ANPEP: variants seen among roughly 807,000 people sequenced by gnomAD.
ANPEP encodes aminopeptidase N.
A neutral mutation model predicts 114.6 loss-of-function variants in ANPEP; 70 were observed. The observed-to-expected ratio is 0.61, with a 90% CI of 0.50 to 0.75. The LOEUF (loss-of-function observed/expected upper bound fraction) is 0.75. ANPEP is among the 30% of genes least tolerant of loss of function. The pLI is 0.00. For missense variants in ANPEP, 1,184 were observed against 1,259.5 expected, an observed-to-expected ratio of 0.94 and a Z score of 0.91; for synonymous variants, 548 against 522.3, an observed-to-expected ratio of 1.05 and a Z score of -0.67.
intron 20 of ANPEP, 118 bp from the exon 21 acceptor site, chr15:89,785,619 C>T: frequency 1.4e-6 from 2 of 1,416,640 alleles, no homozygotes; most frequent in Non-Finnish European, 9.6e-7. Flanking sequence ...TGGGACCACA[C>T]CCTGTTCCAG....
chr15:89,801,541 G>T lies in ANPEP; in HGVS notation c.1636C>A (p.Gln546Lys). ...ACCGTGATGACCGGGAAGCCCATCT[G>T]CAGGGTCCAGCGGTTCATGATGTCC... ...VRDIMNRWTL[Q>K]MGFPVITVDT... The change falls in exon 11 of 21, where the codon CAG becomes AAG. Residue 546 changes from glutamine to lysine, a missense_variant. Physicochemically the swap from Gln to Lys is moderately conservative, Grantham distance 53. Coordinates refer to ENST00000300060, the MANE Select transcript of ANPEP (RefSeq NM_001150.3). 2 of 1,614,202 alleles carry T rather than the reference G, an allele frequency of 1.2e-6. No homozygotes were observed. Among genetic ancestry groups the T allele is most frequent in the Non-Finnish European group, 1.7e-6 (2 of 1,180,014 alleles).
Position 89,804,252 on chromosome 15 carries a change from C to T in ANPEP, c.1179+1G>A, listed in dbSNP as rs769813601. On this transcript the variant is annotated splice_donor_variant, in intron 6 of 20. Coordinates refer to ENST00000300060, the MANE Select transcript of ANPEP (RefSeq NM_001150.3). LOFTEE classifies it high-confidence loss of function. ...CCGCACTCCCCGAGATGGGGGTCTA[C>T]CTGGTGGGCCAGCTCATGAGCAATC... is the stretch of plus-strand genomic sequence containing the variant. The T allele has an allele frequency of 6.2e-7, 1 of 1,614,060 alleles. No homozygotes were observed. Among genetic ancestry groups the T allele is most frequent in the Non-Finnish European group, 8.5e-7 (1 of 1,180,024 alleles).
intron 4 of ANPEP, 138 bp from the exon 5 acceptor site, chr15:89,804,755 C>T (rs1193241611): frequency 7.8e-7 from 1 of 1,277,592 alleles, no homozygotes; most frequent in African/African-American, 1.5e-5. Flanking sequence ...ACCTAGAGGC[C>T]TGGTCAGCAG....
At chr15:89,811,664 A>G (rs1376850478) in intron 1 of ANPEP, among the ~76,000 whole-genome samples, 2 of 151,654 alleles carry the variant, frequency 1.3e-5, no homozygotes, top group African/African-American at 4.8e-5. Context: ...AAAAAAAAAA[A>G]AAGAAAAAAA....
chr15:89,804,053 G>A, intron 6 of ANPEP, 51 bp from the exon 7 acceptor site: 2 of 1,596,978 alleles, frequency 1.3e-6, no homozygotes, highest in Non-Finnish European at 1.7e-6. Context: ...TGGGCACTGA[G>A]AATCCCCAGA....
In ANPEP at chr15:89,799,224, A is replaced by C; in HGVS notation, c.2009+36T>G. ...TGGACTCAGACTTGCTGAAGTCACG[A>C]GCTTCTGCAGCTGAGCCAGGCAGCG... On this transcript the variant is annotated intron_variant, in intron 14 of 20. Transcript: ENST00000300060. The surrounding 1 kb of genome is among the most constrained non-coding windows in gnomAD (Gnocchi z 4.2). The C allele has an allele frequency of 6.2e-7, 1 of 1,612,678 alleles. No individual in the cohort carries two copies. The highest frequency in any genetic ancestry group is 8.5e-7 in the Non-Finnish European group (1 of 1,178,712).
chr15:89,797,604 C>G lies in ANPEP; in HGVS notation c.2128G>C (p.Asp710His), dbSNP rs1596164707. The G allele has an allele frequency of 6.2e-7, 1 of 1,614,082 alleles. No homozygotes were observed. Among genetic ancestry groups the G allele is most frequent in the East Asian group, 2.2e-5 (1 of 44,882 alleles). The change falls in exon 15 of 21, where the codon GAC (aspartate) becomes CAC (histidine). Residue 710 changes from aspartate (D) to histidine (H), a missense_variant. Asp to His is a moderately conservative substitution (Grantham distance 81). Transcript: ENST00000300060. ...SSLSYFKLMF[D>H]RSEVYGPMKN... ...ATGGGGCCATAGACCTCGGAGCGGT[C>G]AAACATGAGCTTGAAGTAGCTCAGG... is the stretch of plus-strand genomic sequence containing the variant.
At chr15:89,810,341 T>C (rs1894794902) in intron 1 of ANPEP, among the ~76,000 whole-genome samples, 1 of 152,080 alleles carries the variant, frequency 6.6e-6, no homozygotes, top group African/African-American at 2.4e-5. Flanking sequence ...ATTGTGCCAC[T>C]GTACTCCAGC....
In ANPEP at chr15:89,799,557, G is replaced by C. The variant is rs1472595583; in HGVS notation, c.1822C>G (p.Gln608Glu). The C allele has an allele frequency of 6.2e-7, 1 of 1,614,166 alleles. No individual in the cohort carries two copies. The highest frequency in any genetic ancestry group is 1.3e-5 in the African/African-American group (1 of 75,038). Reference protein sequence around the residue: ...QDYWLIDVRAQNDLFSTSGNE... With the variant: ...QDYWLIDVRAENDLFSTSGNE... ...CCTGATGTGCTGAAGAGATCGTTCT[G>C]GGCTGTGGAGAGGGACGAGACCTGG... The change falls in exon 13 of 21, where the codon CAG becomes GAG. Residue 608 changes from glutamine (Q) to glutamate (E), a missense_variant and splice_region_variant. Coordinates refer to ENST00000300060, the MANE Select transcript of ANPEP (RefSeq NM_001150.3). The surrounding 1 kb of genome is among the most constrained non-coding windows in gnomAD (Gnocchi z 4.2).
Position 89,803,958 on chromosome 15 carries a change from C to G in ANPEP, c.1224G>C (p.Trp408Cys). The change falls in exon 7 of 21, where the codon TGG becomes TGC. Residue 408 changes from tryptophan (W) to cysteine (C), a missense_variant. Trp to Cys is a radical substitution (Grantham distance 215). Coordinates refer to ENST00000300060, the MANE Select transcript of ANPEP (RefSeq NM_001150.3). This position sits in a 1 kb window ranked among gnomAD's most constrained non-coding sequence, Gnocchi z 4.2. ...LVTIEWWNDL[W>C]LNEGFASYVE... is the part of the protein sequence containing the mutation. ...CGTAGGAGGCGAAGCCCTCGTTCAG[C>G]CACAGGTCATTCCACCACTCTATGG... 6.2e-7 allele frequency: 1 copy of G among 1,614,178 alleles called. No homozygotes were observed. The highest frequency in any genetic ancestry group is 8.5e-7 in the Non-Finnish European group (1 of 1,180,020).
chr15:89,801,527 C>T lies in ANPEP; in HGVS notation c.1650G>A (p.Pro550=), dbSNP rs149446226. ...MNRWTLQMGF[P]VITVDTSTGT... ...CCGTGCTGGTATCCACCGTGATGAC[C>T]GGGAAGCCCATCTGCAGGGTCCAGC... Residue 550 remains proline, a synonymous_variant, in exon 11 of 21, where the codon CCG becomes CCA. Coordinates refer to ENST00000300060, the MANE Select transcript of ANPEP (RefSeq NM_001150.3). 384 of 1,614,180 alleles carry T rather than the reference C, an allele frequency of 2.4e-4. 7 individuals carry two copies. The South Asian group carries it at 3.8e-3, about 16-fold the overall frequency.
intron 20 of ANPEP, among the ~76,000 whole-genome samples, chr15:89,788,835 G>C (rs536516254): frequency 2.4e-4 from 36 of 151,580 alleles, no homozygotes; most frequent in Admixed American, 1.8e-3. Context: ...GCCCAGGCTG[G>C]TCTCAAACTC....
Position 89,805,144 on chromosome 15 carries a change from C to T in ANPEP, c.831G>A (p.Thr277=), listed in dbSNP as rs763672649. ...TEFHTTPKMS[T]YLLAFIVSEF... ...CACTGACAATGAAGGCCAGCAAGTA[C>T]GTGGACATCTTGGGCGTGGTGTGGA... The change falls in exon 4 of 21, where the codon ACG becomes ACA. Residue 277 remains threonine (T), a synonymous_variant. Transcript: ENST00000300060. 1.9e-5 allele frequency: 30 copies of T among 1,614,092 alleles called. No homozygotes were observed. Among genetic ancestry groups the T allele is most frequent in the South Asian group, 6.6e-5 (6 of 91,088 alleles).
chr15:89,806,813 G>T lies in ANPEP; in HGVS notation c.-223-7C>A. On this transcript the variant is annotated splice_region_variant and splice_polypyrimidine_tract_variant and intron_variant, in intron 1 of 20. Coordinates refer to ENST00000300060, the MANE Select transcript of ANPEP (RefSeq NM_001150.3). This position sits in a 1 kb window ranked among gnomAD's most constrained non-coding sequence, Gnocchi z 5.7. The stretch of plus-strand genomic sequence containing the variant: ...AGCTGGGCTCGGGGGGTGCCTGCTG[G>T]AAGCAAACAGTGTCTGGTTACAGGC... 1 of 604,766 alleles carries T rather than the reference G, an allele frequency of 1.7e-6. No individual in the cohort carries two copies. Among genetic ancestry groups the T allele is most frequent in the Non-Finnish European group, 2.7e-6 (1 of 365,758 alleles). 37.5% of individuals were successfully genotyped at this position (604,766 alleles called of 1,614,324 possible). A position where few individuals can be genotyped will look rare whatever the true frequency, so the allele number is the denominator to read the frequency against.
chr15:89,796,795 C>T (rs1968736455), intron 15 of ANPEP, among the ~76,000 whole-genome samples: 1 of 152,082 alleles, frequency 6.6e-6, no homozygotes, highest in Non-Finnish European at 1.5e-5. Flanking sequence ...CTGCACCCGG[C>T]CTGATAATTG....
At position 89,785,234 on chromosome 15, in the gene ANPEP, T is replaced by C. The variant is rs112670335; in HGVS notation, c.*115A>G. 2,078 of 1,379,354 alleles carry C rather than the reference T, an allele frequency of 1.5e-3. 25 individuals carry two copies. In the African/African-American group the frequency reaches 0.027, roughly 18 times the overall value. 85.4% of individuals were successfully genotyped at this position (1,379,354 alleles called of 1,614,324 possible). A position where few individuals can be genotyped will look rare whatever the true frequency, so the allele number is the denominator to read the frequency against. Reference sequence around the variant, plus strand: ...AGAACGTGGGCTGGAGACTTTGTCCTTGAGGGGAGGACACTGGTGCCTCGG... The same window carrying C: ...AGAACGTGGGCTGGAGACTTTGTCCCTGAGGGGAGGACACTGGTGCCTCGG... On this transcript the variant is annotated 3_prime_UTR_variant, in exon 21 of 21. Coordinates refer to ENST00000300060, the MANE Select transcript of ANPEP (RefSeq NM_001150.3).
In ANPEP at chr15:89,803,529, G is replaced by T. The variant is rs762514653; in HGVS notation, c.1438-22C>A. ...CGCCCTGGGGTGGGGGTGAGGGGGC[G>T]CTCAGAAGGCTGTGCAGAGCCACCA... On this transcript the variant is annotated intron_variant, in intron 8 of 20. Transcript: ENST00000300060. This position sits in a 1 kb window ranked among gnomAD's most constrained non-coding sequence, Gnocchi z 4.2. The T allele has an allele frequency of 1.2e-6, 2 of 1,605,410 alleles. No homozygotes were observed. Among genetic ancestry groups the T allele is most frequent in the South Asian group, 1.1e-5 (1 of 90,684 alleles).
chr15:89,805,842 G>T, intron 2 of ANPEP, 128 bp downstream of exon 2: 1 of 1,304,172 alleles, frequency 7.7e-7, no homozygotes, highest in Non-Finnish European at 1.0e-6. Context: ...TGGAGGTGAA[G>T]CAATGGGCCA....
intron 20 of ANPEP, among the ~76,000 whole-genome samples, chr15:89,788,764 C>CTTAT (rs60279331): frequency 0.17 from 25,020 of 143,996 alleles, 2,984 homozygotes; most frequent in African/African-American, 0.33. Flanking sequence ...CCATGCCCAG[C>CTTAT]TTATTTATTT....
Sources: allele counts gnomAD v4.1 joint callset (sites outside exome capture counted in the v4.1 genomes callset), GRCh38; gene constraint gnomAD v4.1.1; non-coding constraint Gnocchi (gnomAD v3.1); transcripts MANE v1.5; gene names NCBI Gene and HGNC (gene_info 2026-07-23, HGNC 2026-07-21).